SULF2: variants seen among roughly 807,000 people sequenced by gnomAD.
SULF2 encodes the protein extracellular sulfatase Sulf-2.
Under a neutral mutation model 107.7 loss-of-function variants are expected in SULF2, and 52 were observed. That is an observed-to-expected ratio of 0.48 (90% CI 0.39 to 0.61). SULF2 has a LOEUF of 0.61. Among genes scored for constraint, SULF2 ranks in the 20% least tolerant of loss-of-function variants. The pLI, the probability that SULF2 is intolerant of heterozygous loss-of-function variation, is 0.00. For missense variants in SULF2, 993 were observed against 1,177.3 expected, an observed-to-expected ratio of 0.84 and a Z score of 2.29; for synonymous variants, 460 against 464.3, an observed-to-expected ratio of 0.99 and a Z score of 0.12.
intron 1 of SULF2, among the ~76,000 whole-genome samples, chr20:47,757,965 T>G (rs991493453): frequency 6.6e-6 from 1 of 152,084 alleles, no homozygotes; most frequent in African/African-American, 2.4e-5. Flanking sequence ...CTGGATGTTT[T>G]GGGCTGGACA....
chr20:47,710,814 T>G (rs1050411919), intron 3 of SULF2, among the ~76,000 whole-genome samples: 2 of 152,124 alleles, frequency 1.3e-5, no homozygotes, highest in African/African-American at 4.8e-5. Context: ...CCACTTCCCC[T>G]GCAGGCAGCT....
rs532847415 is a variant in SULF2, at chr20:47,779,111, G to A, written c.-101+6232C>T. Among the ~76,000 whole-genome samples the A allele has an allele frequency of 8.5e-5, 13 of 152,090 alleles. No individual in the cohort carries two copies. The East Asian group carries it at 2.1e-3, about 25-fold the overall frequency. On this transcript the variant is annotated intron_variant, in intron 1 of 20. Coordinates refer to ENST00000688720, the MANE Select transcript of SULF2 (RefSeq NM_001387048.1). ...ATCTTCCCTATTTAGCAATCACCACGCACCAGGCTGCCTAGTCACCTTTGA... is the reference window on the plus strand; with the variant it reads ...ATCTTCCCTATTTAGCAATCACCACACACCAGGCTGCCTAGTCACCTTTGA...
At chr20:47,724,135 C>G (rs1600576719) in intron 3 of SULF2, among the ~76,000 whole-genome samples, 1 of 152,328 alleles carries the variant, frequency 6.6e-6, no homozygotes, top group East Asian at 1.9e-4. Context: ...GTCTTGGCAG[C>G]CCTGGCGAGG....
intron 8 of SULF2, among the ~76,000 whole-genome samples, chr20:47,677,434 G>GCA (rs958185637): frequency 2.6e-4 from 38 of 144,032 alleles, no homozygotes; most frequent in South Asian, 2.2e-3. Context: ...GTGTGTGCGC[G>GCA]CACACACATC....
In SULF2 at chr20:47,684,531, C is replaced by A. The variant is rs764984672; in HGVS notation, c.788G>T (p.Arg263Leu). The change falls in exon 6 of 21, where the codon CGC becomes CTC. Residue 263 changes from arginine (R) to leucine (L), a missense_variant. This residue lies in a region of SULF2 where 388 missense variants were observed against 449.2 expected (regional missense o/e 0.86). Coordinates refer to ENST00000688720, the MANE Select transcript of SULF2 (RefSeq NM_001387048.1). Reference protein sequence around the residue: ...APNPDKHWIMRYTGPMKPIHM... With the variant: ...APNPDKHWIMLYTGPMKPIHM... ...GATGGGCTTCATGGGCCCCGTGTAG[C>A]GCATGATCCAGTGTTTGTCCGGGTT... The A allele has an allele frequency of 8.1e-6, 13 of 1,614,110 alleles. No individual in the cohort carries two copies. Among genetic ancestry groups the A allele is most frequent in the Non-Finnish European group, 1.0e-5 (12 of 1,179,996 alleles).
chr20:47,744,671 G>C (rs2089965884), intron 2 of SULF2, among the ~76,000 whole-genome samples: 1 of 152,048 alleles, frequency 6.6e-6, no homozygotes, highest in Non-Finnish European at 1.5e-5. Context: ...CCCAGTGTTG[G>C]GATAACACTG....
At chr20:47,741,253 TC>T (rs2089873250) in intron 2 of SULF2, among the ~76,000 whole-genome samples, 2 of 109,326 alleles carry the variant, frequency 1.8e-5, no homozygotes, top group South Asian at 3.3e-4. Context: ...CCTAACCCCA[TC>T]CCCCTCTCCG....
chr20:47,767,432 G>C (rs1481367208), intron 1 of SULF2, among the ~76,000 whole-genome samples: 1 of 151,992 alleles, frequency 6.6e-6, no homozygotes, highest in African/African-American at 2.4e-5. Flanking sequence ...ATCATTTGAG[G>C]TCCAGAGTTT....
At chr20:47,674,323 G>A (rs186951024) in intron 10 of SULF2, among the ~76,000 whole-genome samples, 2 of 152,336 alleles carry the variant, frequency 1.3e-5, no homozygotes, top group Admixed American at 1.3e-4. Flanking sequence ...TACAGCTGCT[G>A]AGAACGAAGG....
chr20:47,745,406 A>T (rs1395512707), intron 2 of SULF2, among the ~76,000 whole-genome samples: 692 of 19,982 alleles, frequency 0.035, 32 homozygotes, highest in African/African-American at 0.17. Context: ...AAAAAAAAAA[A>T]AAAAATATAT....
At chr20:47,721,587 C>T (rs1446009327) in intron 3 of SULF2, among the ~76,000 whole-genome samples, 1 of 152,152 alleles carries the variant, frequency 6.6e-6, no homozygotes, top group African/African-American at 2.4e-5. Context: ...TCAGGCTGGT[C>T]TCGAACTCCT....
rs2087219801 is a variant in SULF2 at position 47,665,191 on chromosome 20, T to C, written c.1997+8A>G. On this transcript the variant is annotated splice_region_variant and intron_variant, in intron 14 of 20. Coordinates refer to ENST00000688720, the MANE Select transcript of SULF2 (RefSeq NM_001387048.1). The stretch of plus-strand genomic sequence containing the variant: ...GGTCTTAGGGAGGTCCCTTTGCTAC[T>C]GCCTCACCTGATTTTGTGACAGTCA... 1 of 1,605,748 alleles carries C rather than the reference T, an allele frequency of 6.2e-7. No homozygotes were observed. The highest frequency in any genetic ancestry group is 1.3e-5 in the African/African-American group (1 of 74,890).
intron 4 of SULF2, among the ~76,000 whole-genome samples, chr20:47,692,046 G>A (rs919305919): frequency 3.3e-5 from 5 of 152,204 alleles, no homozygotes; most frequent in South Asian, 2.1e-4. Context: ...GATTACAGGC[G>A]TGAGCCACAG....
intron 3 of SULF2, among the ~76,000 whole-genome samples, chr20:47,730,124 C>T (rs1423664644): frequency 6.6e-6 from 1 of 152,088 alleles, no homozygotes; most frequent in East Asian, 1.9e-4. Context: ...CCTCTCTACC[C>T]AGCTTTGTGC....
intron 1 of SULF2, among the ~76,000 whole-genome samples, chr20:47,758,611 G>T (rs912604525): frequency 9.9e-5 from 15 of 152,164 alleles, no homozygotes; most frequent in African/African-American, 3.4e-4. Context: ...ACCAGCGAAG[G>T]TGGGTGCGGG....
chr20:47,730,693 C>T (rs1036485337), intron 3 of SULF2, among the ~76,000 whole-genome samples: 3 of 152,196 alleles, frequency 2.0e-5, no homozygotes, highest in Non-Finnish European at 4.4e-5. Flanking sequence ...TGTGATCCAC[C>T]CTCCTCGGCT....
Position 47,690,017 on chromosome 20 carries a change from T to G in SULF2, c.737+109A>C, listed in dbSNP as rs1311893634. 6.4e-6 allele frequency: 7 copies of G among 1,097,764 alleles called. No individual in the cohort carries two copies. The African/African-American group carries it at 1.1e-4, about 18-fold the overall frequency. 68.0% of individuals were successfully genotyped at this position (1,097,764 alleles called of 1,614,324 possible). The stretch of plus-strand genomic sequence containing the variant: ...CTTGGGGTCTTTAAACCAGGAGGAT[T>G]AGAGAGGAGGCACAGTGAAGTCATG... On this transcript the variant is annotated intron_variant, in intron 5 of 20. Transcript: ENST00000688720.
chr20:47,785,454 C>CT lies in SULF2; in HGVS notation c.-213_-212insA, dbSNP rs1568941808. On this transcript the variant is annotated 5_prime_UTR_variant, in exon 1 of 21. Coordinates refer to ENST00000688720, the MANE Select transcript of SULF2 (RefSeq NM_001387048.1). ...GACTCCGCGCCGCCGCTGCCGCTGC[C>CT]GCCGCCGCCGCCGCCGCTGCCGCTG... 32 of 153,706 alleles carry CT rather than the reference C, an allele frequency of 2.1e-4. No homozygotes were observed. Among genetic ancestry groups the CT allele is most frequent in the Non-Finnish European group, 3.0e-4 (22 of 74,140 alleles). 9.5% of individuals were successfully genotyped at this position (153,706 alleles called of 1,614,324 possible). A position where few individuals can be genotyped will look rare whatever the true frequency, so the allele number is the denominator to read the frequency against.
At chr20:47,752,868 G>A (rs1420950014) in intron 2 of SULF2, among the ~76,000 whole-genome samples, 4 of 152,220 alleles carry the variant, frequency 2.6e-5, no homozygotes, top group African/African-American at 4.8e-5. Context: ...TTGGGAGGCC[G>A]AGGCGGCGGA....
Sources: gnomAD v4.1 joint callset for allele counts (sites outside exome capture counted in the v4.1 genomes callset) on GRCh38, gnomAD v4.1.1 for gene constraint, gnomAD v4.1.1 regional missense constraint, MANE v1.5 for transcripts, NCBI Gene and HGNC (gene_info 2026-07-23, HGNC 2026-07-21) for gene names.